Variants in GRIP2 observed in about 807,000 individuals in gnomAD.
The protein encoded by GRIP2 is glutamate receptor-interacting protein 2.
GRIP2 carries 58 observed loss-of-function variants against 108.3 expected under a neutral mutation model. That is an observed-to-expected ratio of 0.54 (90% confidence interval 0.43 to 0.67). GRIP2 has a LOEUF of 0.67. GRIP2 is among the 30% of genes least tolerant of loss of function. The probability of loss-of-function intolerance (pLI) is 0.00; values close to 1 mark genes in which losing one functional copy is unlikely to be tolerated. For synonymous variants in GRIP2, 586 were observed against 598.2 expected (o/e 0.98, Z 0.30); for missense variants, 1,278 against 1,430.6 (o/e 0.89, Z 1.72).
At chr3:14,584,525 G>T in the GRIP2 span, among the ~76,000 whole-genome samples, 1 of 152,176 alleles carries the variant, frequency 6.6e-6, no homozygotes, top group Non-Finnish European at 1.5e-5. Flanking sequence ...CGGGGAAGGT[G>T]TGCTCGCTAC....
rs201817231 is a variant in GRIP2, at chr3:14,503,572, T to C, written c.2673A>G (p.Glu891=). 1.8e-3 allele frequency: 2,881 copies of C among 1,608,510 alleles called. 6 individuals are homozygous for C. The highest frequency in any genetic ancestry group is 2.3e-3 in the Non-Finnish European group (2,760 of 1,177,452). ...ESCGQSELLR[E]LEASIMTGTV... ...GCAGGGCAGGCAGCCATACCTCCAG[T>C]TCCCTCAGCAGCTCTGACTGACCAC... Residue 891 remains glutamate (E), a synonymous_variant, in exon 21 of 24, where the codon GAA becomes GAG. Coordinates refer to ENST00000621039, the MANE Select transcript of GRIP2 (RefSeq NM_001080423.4).
intron 21 of GRIP2, among the ~76,000 whole-genome samples, chr3:14,496,867 C>A (rs1225717351): frequency 6.6e-6 from 1 of 152,178 alleles, no homozygotes; most frequent in Non-Finnish European, 1.5e-5. Flanking sequence ...CAAGTAAATA[C>A]CACTTTTTTC....
chr3:14,550,434 C>T (rs1266822742), intron 1 of GRIP2, among the ~76,000 whole-genome samples: 1 of 152,214 alleles, frequency 6.6e-6, no homozygotes, highest in Non-Finnish European at 1.5e-5. Flanking sequence ...CACTCTCTTC[C>T]TTGCCCATCT....
At chr3:14,573,024 T>C in the GRIP2 span, 1 of 1,419,172 alleles carries the variant, frequency 7.0e-7, no homozygotes. Context: ...GCATTTCCAG[T>C]ACAGATGGAA....
Position 14,540,223 on chromosome 3 carries a change from A to G in GRIP2, c.40+46T>C, listed in dbSNP as rs766462541. 10 of 1,599,986 alleles carry G rather than the reference A, an allele frequency of 6.3e-6. No homozygotes were observed. The Admixed American group carries it at 1.7e-4, about 27-fold the overall frequency. On this transcript the variant is annotated intron_variant, in intron 1 of 23. Transcript: ENST00000621039. This position sits in a 1 kb window ranked among gnomAD's most constrained non-coding sequence, Gnocchi z 4.1. ...CTGGGCAGCAGCTCCAGAGGGATCT[A>G]TGTGTTCAGCCCCATCACTCTGCCC...
upstream of GRIP2, among the ~76,000 whole-genome samples, chr3:14,546,060 C>A (rs1456090199): frequency 6.6e-6 from 1 of 152,176 alleles, no homozygotes; most frequent in Non-Finnish European, 1.5e-5. Flanking sequence ...GGGAGAGGCT[C>A]TCAGAGTAGG....
intron 20 of GRIP2, chr3:14,503,983 G>A (rs1025698067): frequency 1.3e-5 from 5 of 385,424 alleles, no homozygotes; most frequent in Admixed American, 4.4e-5. Context: ...ACAAACAGAC[G>A]AACAGACAGA....
chr3:14,517,709 C>A, intron 10 of GRIP2, 63 bp downstream of exon 10: 1 of 1,582,176 alleles, frequency 6.3e-7, no homozygotes, highest in African/African-American at 1.3e-5. Context: ...AGACAACAGG[C>A]ATCGCCCCCT....
the GRIP2 span, among the ~76,000 whole-genome samples, chr3:14,593,493 C>T: frequency 6.6e-6 from 1 of 152,212 alleles, no homozygotes; most frequent in Admixed American, 6.5e-5. Context: ...GGACAGAAGG[C>T]ATCACACAAA....
rs1304899921 is a variant in GRIP2 at position 14,505,359 on chromosome 3, C to T, written c.2573+256G>A. On this transcript the variant is annotated intron_variant, in intron 20 of 23. Transcript: ENST00000621039. This position sits in a 1 kb window ranked among gnomAD's most constrained non-coding sequence, Gnocchi z 4.2. Reference sequence around the variant, plus strand: ...TGCTCTTCTGAGAACAGGAGATGACCAAAGTTGGGAAGGGCAAACCAGGCT... The same window carrying T: ...TGCTCTTCTGAGAACAGGAGATGACTAAAGTTGGGAAGGGCAAACCAGGCT... 6.6e-6 allele frequency among the ~76,000 whole-genome samples: 1 copy of T among 152,150 alleles called. No individual in the cohort carries two copies. The highest frequency in any genetic ancestry group is 2.4e-5 in the African/African-American group (1 of 41,432).
the GRIP2 span, among the ~76,000 whole-genome samples, chr3:14,596,980 T>C: frequency 6.6e-6 from 1 of 152,188 alleles, no homozygotes; most frequent in African/African-American, 2.4e-5. Context: ...TGAGCTCAAG[T>C]AATTCTACCT....
intron 21 of GRIP2, among the ~76,000 whole-genome samples, chr3:14,497,796 G>A (rs549806468): frequency 4.5e-4 from 68 of 152,300 alleles, no homozygotes; most frequent in Non-Finnish European, 4.9e-4. Flanking sequence ...GACAAGGATG[G>A]TGCCAGTGGG....
chr3:14,535,006 G>C lies in GRIP2; in HGVS notation c.40+5263C>G, dbSNP rs1397932929. Among the ~76,000 whole-genome samples, 4 of 152,198 alleles carry C rather than the reference G, an allele frequency of 2.6e-5. No individual in the cohort carries two copies. In the East Asian group the frequency reaches 7.7e-4, roughly 29 times the overall value. On this transcript the variant is annotated intron_variant, in intron 1 of 23. Coordinates refer to ENST00000621039, the MANE Select transcript of GRIP2 (RefSeq NM_001080423.4). ...CTGTTCTGTGAGCCTCCTGGAGGGA[G>C]GACTCAGCATCTCAAAAGGGACCAC...
At chr3:14,593,124 T>C in the GRIP2 span, among the ~76,000 whole-genome samples, 1 of 152,220 alleles carries the variant, frequency 6.6e-6, no homozygotes, top group Non-Finnish European at 1.5e-5. Context: ...TGGCCTGGAT[T>C]TTCCCAGCCG....
chr3:14,494,009 G>T (rs1020587851), intron 23 of GRIP2, among the ~76,000 whole-genome samples, 183 bp from the exon 24 acceptor site: 2 of 152,174 alleles, frequency 1.3e-5, no homozygotes, highest in Admixed American at 1.3e-4. Context: ...CTTCTGTTAG[G>T]TTTCATCAAA....
At chr3:14,527,523 T>G (rs1694593277) in intron 1 of GRIP2, among the ~76,000 whole-genome samples, 1 of 152,018 alleles carries the variant, frequency 6.6e-6, no homozygotes, top group Non-Finnish European at 1.5e-5. Flanking sequence ...GGAAACACCC[T>G]GGGGGTGGGC....
At chr3:14,520,070 T>C in intron 9 of GRIP2, 40 bp downstream of exon 9, 1 of 1,543,016 alleles carries the variant, frequency 6.5e-7, no homozygotes, top group Non-Finnish European at 8.7e-7. Context: ...GCCTCATGAC[T>C]GCCCAGGTTT....
chr3:14,597,411 A>G, the GRIP2 span, among the ~76,000 whole-genome samples: 1 of 152,186 alleles, frequency 6.6e-6, no homozygotes, highest in Non-Finnish European at 1.5e-5. Context: ...AAGGACAGAG[A>G]AGCCAAGAAT....
chr3:14,592,424 G>A, the GRIP2 span, among the ~76,000 whole-genome samples: 260 of 152,280 alleles, frequency 1.7e-3, no homozygotes, highest in African/African-American at 5.9e-3. Context: ...TAAAGGAGTC[G>A]GGGAAAGAAA....
Sources: allele counts gnomAD v4.1 joint callset (sites outside exome capture counted in the v4.1 genomes callset), GRCh38; gene constraint gnomAD v4.1.1; non-coding constraint Gnocchi (gnomAD v3.1); transcripts MANE v1.5; gene names NCBI Gene and HGNC (gene_info 2026-07-23, HGNC 2026-07-21).